TNIP3: variants seen among roughly 807,000 people sequenced by gnomAD.
TNIP3 encodes the protein TNFAIP3 interacting protein 3.
TNIP3 carries 34 observed loss-of-function variants against 54.1 expected under a neutral mutation model. That is an observed-to-expected ratio of 0.63 (90% CI 0.48 to 0.84). The LOEUF is 0.84. Among genes scored for constraint, TNIP3 ranks in the 40% least tolerant of loss-of-function variants. The pLI is 0.00. For synonymous variants in TNIP3, 134 were observed against 136.8 expected (o/e 0.98, Z 0.14); for missense variants, 366 against 387.6 (o/e 0.94, Z 0.47).
chr4:121,150,916 C>T (rs1729710443), intron 5 of TNIP3, among the ~76,000 whole-genome samples: 1 of 152,194 alleles, frequency 6.6e-6, no homozygotes, highest in African/African-American at 2.4e-5. Context: ...GCTTTCTTGA[C>T]ATCCAGTATA....
chr4:121,221,272 G>A (rs1263372812), upstream of TNIP3, among the ~76,000 whole-genome samples: 2 of 151,856 alleles, frequency 1.3e-5, no homozygotes, highest in African/African-American at 4.8e-5. Flanking sequence ...ATATAAAATA[G>A]CCAGTTTGTA....
In TNIP3 at chr4:121,142,765, A is replaced by G; in HGVS notation, c.747T>C (p.Cys249=). 3 of 1,612,554 alleles carry G rather than the reference A, an allele frequency of 1.9e-6. No individual in the cohort carries two copies. In the South Asian group the frequency reaches 3.3e-5, roughly 18 times the overall value. ...TTTCTAGTTTTTCTTTCTCCATCTG[A>G]CAAGCTTTTATCTAAAGACAAAACA... The part of the protein sequence containing the change: ...LNRLNSQIKA[C]QMEKEKLEKQ... The change falls in exon 8 of 11, where the codon TGT becomes TGC. Residue 249 remains cysteine (C), a synonymous_variant. Transcript: ENST00000057513.
At chr4:121,178,467 C>A (rs1724489240) in intron 3 of TNIP3, among the ~76,000 whole-genome samples, 1 of 152,160 alleles carries the variant, frequency 6.6e-6, no homozygotes, top group South Asian at 2.1e-4. Flanking sequence ...TGTTTGGTTG[C>A]ATTTGGAGTT....
intron 2 of TNIP3, among the ~76,000 whole-genome samples, chr4:121,215,055 G>A (rs1726708134): frequency 6.6e-6 from 1 of 152,148 alleles, no homozygotes; most frequent in Non-Finnish European, 1.5e-5. Flanking sequence ...ATTGATTGAG[G>A]TGAATGGGAG....
chr4:121,205,974 A>C (rs1430465432), intron 2 of TNIP3, among the ~76,000 whole-genome samples: 2 of 152,152 alleles, frequency 1.3e-5, no homozygotes, highest in Non-Finnish European at 2.9e-5. Flanking sequence ...AAGAAGGAGA[A>C]GTGCCGAGTA....
chr4:121,156,988 A>T (rs1389573194), intron 4 of TNIP3, 106 bp downstream of exon 4: 1 of 1,453,564 alleles, frequency 6.9e-7, no homozygotes, highest in Non-Finnish European at 9.4e-7. Flanking sequence ...GTCGTTGCTC[A>T]GTAGTGAGTT....
rs547301735 is a variant in TNIP3, at chr4:121,212,444, A to G, written c.68+3971T>C. 1.3e-4 allele frequency among the ~76,000 whole-genome samples: 20 copies of G among 152,302 alleles called. 1 individual carries two copies. The South Asian group carries it at 4.1e-3, about 32-fold the overall frequency. ...TGTGGAAAGAGAAGAAACTTAGTCT[A>G]TTGTCCAGAAACCCAATGTGACTTT... On this transcript the variant is annotated intron_variant, in intron 2 of 12. Transcript: ENST00000507879.
At chr4:121,217,558 G>A (rs1469624772), upstream of TNIP3, among the ~76,000 whole-genome samples, 1 of 152,100 alleles carries the variant, frequency 6.6e-6, no homozygotes, top group African/African-American at 2.4e-5. Context: ...CTTTCTGGAT[G>A]ACTGGAGGAG....
chr4:121,221,501 A>G (rs1286314047), upstream of TNIP3, among the ~76,000 whole-genome samples: 3 of 152,234 alleles, frequency 2.0e-5, no homozygotes, highest in Non-Finnish European at 2.9e-5. Context: ...TGTTGTTAAG[A>G]ATATGATAAT....
chr4:121,162,408 T>C (rs1009153791), intron 1 of TNIP3, among the ~76,000 whole-genome samples: 1 of 152,172 alleles, frequency 6.6e-6, no homozygotes, highest in Admixed American at 6.5e-5. Flanking sequence ...AAATTCTGAA[T>C]GATTATATTT....
chr4:121,177,822 T>C (rs1724451337), intron 3 of TNIP3, among the ~76,000 whole-genome samples: 2 of 152,220 alleles, frequency 1.3e-5, no homozygotes, highest in East Asian at 1.9e-4. Context: ...ATTGTGTAAA[T>C]AGTAGCTCAG....
Position 121,174,695 on chromosome 4 carries a change from A to G in TNIP3, c.189+7981T>C, listed in dbSNP as rs138937998. On this transcript the variant is annotated intron_variant, in intron 3 of 12. Transcript: ENST00000507879. ...ACTGGAAAAAAAAAAGGAATAATTG[A>G]TCTTTTTTTTGCTACTTATTCTAGA... Among the ~76,000 whole-genome samples the G allele has an allele frequency of 5.1e-3, 774 of 152,216 alleles. 11 individuals are homozygous for G. The highest frequency in any genetic ancestry group is 0.015 in the Admixed American group (224 of 15,290).
At chr4:121,215,414 A>G (rs1333637615) in intron 2 of TNIP3, among the ~76,000 whole-genome samples, 1 of 152,220 alleles carries the variant, frequency 6.6e-6, no homozygotes, top group East Asian at 1.9e-4. Context: ...TGGCCTGTAG[A>G]ATAAATTCTC....
At chr4:121,188,090 T>A (rs557497489) in intron 2 of TNIP3, among the ~76,000 whole-genome samples, 2 of 152,112 alleles carry the variant, frequency 1.3e-5, no homozygotes, top group East Asian at 3.9e-4. Flanking sequence ...AGGCAAAGAG[T>A]TTGAGGTGAG....
rs373999692 is a variant in TNIP3, at chr4:121,132,774, T to C, written c.947-112A>G. 2.7e-4 allele frequency: 229 copies of C among 860,758 alleles called. 1 individual carries two copies. The East Asian group carries it at 3.9e-3, about 15-fold the overall frequency. 53.3% of individuals were successfully genotyped at this position (860,758 alleles called of 1,614,324 possible). A position where few individuals can be genotyped will look rare whatever the true frequency, so the allele number is the denominator to read the frequency against. ...GGATGGCAAAAAAAAAAAAAAGTTATGTTATATTCATAAGCTCCCCACAAG... is the reference window on the plus strand; with the variant it reads ...GGATGGCAAAAAAAAAAAAAAGTTACGTTATATTCATAAGCTCCCCACAAG... On this transcript the variant is annotated intron_variant, in intron 10 of 10. Coordinates refer to ENST00000057513, the MANE Select transcript of TNIP3 (RefSeq NM_024873.6).
chr4:121,149,909 A>G (rs188711634), intron 6 of TNIP3, among the ~76,000 whole-genome samples, 194 bp downstream of exon 6: 1 of 152,336 alleles, frequency 6.6e-6, no homozygotes, highest in Non-Finnish European at 1.5e-5. Flanking sequence ...TCAGTTCCCT[A>G]TGTTCTAAAT....
chr4:121,192,186 G>T (rs1342078728), intron 2 of TNIP3, among the ~76,000 whole-genome samples: 1 of 152,144 alleles, frequency 6.6e-6, no homozygotes, highest in Non-Finnish European at 1.5e-5. Context: ...GAGATGCCGA[G>T]CCAAGTCTGA....
rs113801419 is a variant in TNIP3 at position 121,185,605 on chromosome 4, C to T, written c.69-2809G>A. Among the ~76,000 whole-genome samples the T allele has an allele frequency of 9.2e-3, 1,408 of 152,280 alleles. 25 individuals are homozygous for T. The highest frequency in any genetic ancestry group is 0.032 in the African/African-American group (1,328 of 41,562). The stretch of plus-strand genomic sequence containing the variant: ...ATTTGTTATTGAATAAATATGACTC[C>T]AGGAAGAGATTTAACTCAAAATACC... On this transcript the variant is annotated intron_variant, in intron 2 of 12. Coordinates refer to the TNIP3 transcript ENST00000507879.
At chr4:121,156,069 A>C (rs1730066562) in intron 4 of TNIP3, among the ~76,000 whole-genome samples, 2 of 152,222 alleles carry the variant, frequency 1.3e-5, no homozygotes, top group South Asian at 4.1e-4. Context: ...AAAGGAAATG[A>C]CTGCTACATG....
Sources: gnomAD v4.1 joint callset for allele counts (sites outside exome capture counted in the v4.1 genomes callset) on GRCh38, gnomAD v4.1.1 for gene constraint, MANE v1.5 for transcripts, NCBI Gene and HGNC (gene_info 2026-07-23, HGNC 2026-07-21) for gene names.